ADORA2B: variants seen among roughly 807,000 people sequenced by gnomAD.
ADORA2B encodes adenosine A2b receptor.
In ADORA2B, 18 loss-of-function variants were observed where a neutral mutation model predicts 20.8. That is an observed-to-expected ratio of 0.87 (90% CI 0.60 to 1.29). The LOEUF (loss-of-function observed/expected upper bound fraction) is 1.29, where lower values mean the gene tolerates loss of function less well. ADORA2B is among the 50% of genes most tolerant of loss of function. ADORA2B has a pLI of 0.00. For synonymous variants in ADORA2B, 179 were observed against 178.3 expected, an observed-to-expected ratio of 1.00 and a Z score of -0.03; for missense variants, 441 against 422.7, an observed-to-expected ratio of 1.04 and a Z score of -0.38.
the ADORA2B span, among the ~76,000 whole-genome samples, chr17:15,937,676 G>A: frequency 1.7e-4 from 26 of 151,862 alleles, no homozygotes; most frequent in Middle Eastern, 3.4e-3. Flanking sequence ...AGGTTCAAGC[G>A]ATTATTCTGC....
At chr17:15,874,019 A>G in the ADORA2B span, among the ~76,000 whole-genome samples, 23 of 141,536 alleles carry the variant, frequency 1.6e-4, no homozygotes, top group South Asian at 3.4e-3. Context: ...GTGGATAAAG[A>G]AAATGTGACT....
intron 1 of ADORA2B, among the ~76,000 whole-genome samples, chr17:15,947,325 A>G (rs555177135): frequency 6.6e-6 from 1 of 152,340 alleles, no homozygotes; most frequent in South Asian, 2.1e-4. Flanking sequence ...TTGCCCTGGC[A>G]GAGACCAGAG....
intron 1 of ADORA2B, among the ~76,000 whole-genome samples, chr17:15,970,128 A>G (rs1970173413): frequency 6.6e-6 from 1 of 152,230 alleles, no homozygotes. Flanking sequence ...TCGTATTTAT[A>G]TGTTTACTTA....
At chr17:15,957,386 A>G (rs1216813682) in intron 1 of ADORA2B, among the ~76,000 whole-genome samples, 4 of 152,296 alleles carry the variant, frequency 2.6e-5, no homozygotes, top group Admixed American at 2.0e-4. Flanking sequence ...GTGGAGCAGT[A>G]ATGAGTCAGC....
At chr17:15,867,314 G>T in the ADORA2B span, among the ~76,000 whole-genome samples, 1 of 152,036 alleles carries the variant, frequency 6.6e-6, no homozygotes, top group African/African-American at 2.4e-5. Context: ...ATCTCTGCCC[G>T]GCCGCCATCC....
chr17:15,859,862 C>G, the ADORA2B span, among the ~76,000 whole-genome samples: 2 of 152,168 alleles, frequency 1.3e-5, no homozygotes, highest in Non-Finnish European at 2.9e-5. Context: ...AATATGACAG[C>G]AGAAAGAGCC....
chr17:15,885,266 G>A, the ADORA2B span, among the ~76,000 whole-genome samples: 7 of 152,106 alleles, frequency 4.6e-5, no homozygotes, highest in Admixed American at 3.3e-4. Context: ...TAAAGGGGTT[G>A]TTTTCTTCTT....
chr17:15,946,567 A>C (rs571979552), intron 1 of ADORA2B, among the ~76,000 whole-genome samples: 1 of 152,350 alleles, frequency 6.6e-6, no homozygotes, highest in Admixed American at 6.5e-5. Context: ...ACTAAATCAC[A>C]GAGTAGGAAG....
chr17:15,933,770 G>T, the ADORA2B span, among the ~76,000 whole-genome samples: 3 of 145,294 alleles, frequency 2.1e-5, no homozygotes, highest in African/African-American at 7.7e-5. Flanking sequence ...ACATATATGT[G>T]TGTGTATATA....
At chr17:15,958,911 C>T (rs1049480790) in intron 1 of ADORA2B, among the ~76,000 whole-genome samples, 1 of 152,220 alleles carries the variant, frequency 6.6e-6, no homozygotes, top group African/African-American at 2.4e-5. Flanking sequence ...TTCTCATTAT[C>T]CCCTGTGTGT....
chr17:15,964,869 G>A (rs551703427), intron 1 of ADORA2B, among the ~76,000 whole-genome samples: 75 of 152,144 alleles, frequency 4.9e-4, no homozygotes, highest in African/African-American at 1.6e-3. Flanking sequence ...AGACCATCCT[G>A]GCTAACACGG....
the ADORA2B span, among the ~76,000 whole-genome samples, chr17:15,879,929 GTTGGGAAACTTCTCA>G: frequency 6.8e-6 from 1 of 147,430 alleles, no homozygotes; most frequent in Non-Finnish European, 1.5e-5. Context: ...TTGCTTGGAA[GTTGGGAAACTTCTCA>G]TTTAAAAGTT....
the ADORA2B span, among the ~76,000 whole-genome samples, chr17:15,914,317 C>T: frequency 3.6e-3 from 549 of 152,310 alleles, 3 homozygotes; most frequent in Non-Finnish European, 5.1e-3. Flanking sequence ...CCACCTCAGC[C>T]TCCTAAGTAG....
the ADORA2B span, among the ~76,000 whole-genome samples, chr17:15,853,448 A>T: frequency 6.6e-6 from 1 of 152,388 alleles, no homozygotes; most frequent in South Asian, 2.1e-4. Context: ...AAAAGGTATA[A>T]ATTAGCTATA....
At chr17:15,858,210 G>A in the ADORA2B span, among the ~76,000 whole-genome samples, 7 of 152,024 alleles carry the variant, frequency 4.6e-5, no homozygotes, top group Non-Finnish European at 1.0e-4. Context: ...CTACACCATT[G>A]TACGCTCTCA....
At chr17:15,895,601 A>G in the ADORA2B span, among the ~76,000 whole-genome samples, 1 of 152,198 alleles carries the variant, frequency 6.6e-6, no homozygotes, top group African/African-American at 2.4e-5. Context: ...CGCTGCCTTC[A>G]TGGCAGCCAC....
At chr17:15,973,339 C>T (rs1360655563) in intron 1 of ADORA2B, among the ~76,000 whole-genome samples, 1 of 152,322 alleles carries the variant, frequency 6.6e-6, no homozygotes, top group East Asian at 1.9e-4. Context: ...TTTCATACCA[C>T]ATATATCTCC....
At chr17:15,886,072 C>T in the ADORA2B span, among the ~76,000 whole-genome samples, 1 of 152,190 alleles carries the variant, frequency 6.6e-6, no homozygotes, top group Non-Finnish European at 1.5e-5. Context: ...TCAACTGTGG[C>T]TCATATCAGT....
At chr17:15,866,680 GCTCTCCCTCTGC>G in the ADORA2B span, among the ~76,000 whole-genome samples, 16 of 113,932 alleles carry the variant, frequency 1.4e-4, no homozygotes, top group Non-Finnish European at 2.7e-4. Flanking sequence ...TCTTCTTTTG[GCTCTCCCTCTGC>G]CTCTGCCTCT....
Sources: allele counts gnomAD v4.1 joint callset (sites outside exome capture counted in the v4.1 genomes callset), GRCh38; gene constraint gnomAD v4.1.1; transcripts MANE v1.5; gene names NCBI Gene and HGNC (gene_info 2026-07-23, HGNC 2026-07-21).